The following SLC22A23 variants were observed in gnomAD, a reference collection of about 807,000 sequenced individuals.
SLC22A23 encodes the protein solute carrier family 22 member 23.
SLC22A23 carries 26 observed loss-of-function variants against 61.0 expected under a neutral mutation model. That is an observed-to-expected ratio of 0.43 (90% CI 0.31 to 0.59). The LOEUF is 0.59. Among genes scored for constraint, SLC22A23 ranks in the 20% least tolerant of loss-of-function variants. The pLI is 0.11. For missense variants in SLC22A23, 796 were observed against 934.7 expected (o/e 0.85, Z 1.94); for synonymous variants, 430 against 413.9 (o/e 1.04, Z -0.47).
chr6:3,274,585 C>T (rs1307899822), intron 9 of SLC22A23, among the ~76,000 whole-genome samples: 4 of 152,212 alleles, frequency 2.6e-5, no homozygotes, highest in African/African-American at 9.7e-5. Context: ...ATAACTCCAG[C>T]TCTTGACTAG....
intron 3 of SLC22A23, among the ~76,000 whole-genome samples, chr6:3,361,874 G>A (rs997383474): frequency 2.6e-5 from 4 of 152,182 alleles, no homozygotes; most frequent in Admixed American, 1.3e-4. Context: ...GGGAGATGAA[G>A]ACATGGTCCC....
intron 1 of SLC22A23, among the ~76,000 whole-genome samples, chr6:3,453,251 A>T (rs79655382): frequency 0.014 from 2,127 of 152,182 alleles, 33 homozygotes; most frequent in African/African-American, 0.043. Flanking sequence ...ATAATTTTTT[A>T]AAAAAAATTA....
At chr6:3,325,667 A>G (rs1763237036) in intron 3 of SLC22A23, among the ~76,000 whole-genome samples, 1 of 152,244 alleles carries the variant, frequency 6.6e-6, no homozygotes, top group African/African-American at 2.4e-5. Context: ...TCTCAAAAAT[A>G]ATAAAGAAAA....
At chr6:3,307,473 C>A (rs1331617340) in intron 4 of SLC22A23, among the ~76,000 whole-genome samples, 2 of 152,276 alleles carry the variant, frequency 1.3e-5, no homozygotes, top group Admixed American at 6.5e-5. Flanking sequence ...GAACTCAATG[C>A]AGGCAGAACC....
intron 1 of SLC22A23, among the ~76,000 whole-genome samples, chr6:3,437,016 C>A (rs995618668): frequency 6.6e-6 from 1 of 152,148 alleles, no homozygotes; most frequent in Non-Finnish European, 1.5e-5. Flanking sequence ...TGCCTGGTAA[C>A]CTTCTGCTGT....
chr6:3,396,565 AC>A (rs1768017671), intron 3 of SLC22A23, among the ~76,000 whole-genome samples: 1 of 152,100 alleles, frequency 6.6e-6, no homozygotes, highest in Admixed American at 6.5e-5. Flanking sequence ...AAACAAAACA[AC>A]AACAACAAAC....
chr6:3,305,405 G>A (rs1368663305), intron 4 of SLC22A23, among the ~76,000 whole-genome samples: 4 of 152,160 alleles, frequency 2.6e-5, no homozygotes, highest in South Asian at 2.1e-4. Context: ...CAGGCATTGC[G>A]GAATGCCACA....
At chr6:3,434,591 A>G (rs1206961872) in intron 1 of SLC22A23, among the ~76,000 whole-genome samples, 1 of 151,370 alleles carries the variant, frequency 6.6e-6, no homozygotes, top group Non-Finnish European at 1.5e-5. Flanking sequence ...CCTGGGCAAC[A>G]GAGCAAGACT....
chr6:3,448,086 A>T (rs1019685705), intron 1 of SLC22A23, among the ~76,000 whole-genome samples: 2 of 151,038 alleles, frequency 1.3e-5, no homozygotes, highest in South Asian at 2.1e-4. Flanking sequence ...TATATTTAGT[A>T]GAGGCGGGGT....
rs942025661 is a variant in SLC22A23, at chr6:3,324,202, G to A, written c.914-200C>T. 1.2e-4 allele frequency: 74 copies of A among 608,416 alleles called. 1 individual carries two copies. The highest frequency in any genetic ancestry group is 2.1e-4 in the Admixed American group (7 of 33,810). The allele number at this position is 608,416 out of a possible 1,614,324, so 37.7% of individuals were successfully genotyped here. On this transcript the variant is annotated intron_variant, in intron 3 of 9. Coordinates refer to ENST00000406686, the MANE Select transcript of SLC22A23 (RefSeq NM_015482.2). The surrounding 1 kb of genome is among the most constrained non-coding windows in gnomAD (Gnocchi z 4.3). ...CTCCAACTGGGAAGGGAAGTGAGAC[G>A]GTTGTTCAAGGCCACAGGGCTAGTC...
At position 3,328,415 on chromosome 6, in the gene SLC22A23, G is replaced by A. The variant is rs577317692; in HGVS notation, c.914-4413C>T. ...GGAAAAGCACATTGCGCTTCCCAGGGTAGACACTTTATGTGACGGAGGAGG... is the reference window on the plus strand; with the variant it reads ...GGAAAAGCACATTGCGCTTCCCAGGATAGACACTTTATGTGACGGAGGAGG... On this transcript the variant is annotated intron_variant, in intron 3 of 9. Transcript: ENST00000406686. The surrounding 1 kb of genome is among the most constrained non-coding windows in gnomAD (Gnocchi z 5.0). Among the ~76,000 whole-genome samples, 15 of 152,228 alleles carry A rather than the reference G, an allele frequency of 9.9e-5. 1 individual carries two copies. The South Asian group carries it at 3.1e-3, about 32-fold the overall frequency.
chr6:3,325,994 T>C (rs948084637), intron 3 of SLC22A23, among the ~76,000 whole-genome samples: 2 of 152,246 alleles, frequency 1.3e-5, no homozygotes, highest in Admixed American at 1.3e-4. Context: ...AATGAAAATA[T>C]CTGCAACTAC....
chr6:3,379,457 G>A (rs1453573915), intron 3 of SLC22A23, among the ~76,000 whole-genome samples: 2 of 151,994 alleles, frequency 1.3e-5, no homozygotes, highest in African/African-American at 2.4e-5. Context: ...CAGAACTATC[G>A]AACACCATGC....
chr6:3,394,498 T>A (rs979416011), intron 3 of SLC22A23, among the ~76,000 whole-genome samples: 1 of 152,184 alleles, frequency 6.6e-6, no homozygotes, highest in Non-Finnish European at 1.5e-5. Flanking sequence ...GAGTGATTAG[T>A]TCTCCATTTA....
rs1450188865 is a variant in SLC22A23, at chr6:3,360,846, A to G, written c.914-36844T>C. ...GCTGGCGTGGTCATCCAGGGCGGGA[A>G]CGGGATTGGACGAAGCCTTCCCTCG... On this transcript the variant is annotated intron_variant, in intron 3 of 9. Coordinates refer to ENST00000406686, the MANE Select transcript of SLC22A23 (RefSeq NM_015482.2). The surrounding 1 kb of genome is among the most constrained non-coding windows in gnomAD (Gnocchi z 4.6). 6.6e-6 allele frequency among the ~76,000 whole-genome samples: 1 copy of G among 152,202 alleles called. No individual in the cohort carries two copies. The highest frequency in any genetic ancestry group is 1.5e-5 in the Non-Finnish European group (1 of 68,026).
At chr6:3,433,244 A>T (rs1770988179) in intron 1 of SLC22A23, among the ~76,000 whole-genome samples, 1 of 152,156 alleles carries the variant, frequency 6.6e-6, no homozygotes, top group African/African-American at 2.4e-5. Context: ...TGGGACACAA[A>T]CAGCAGCTGA....
At position 3,316,474 on chromosome 6, in the gene SLC22A23, C is replaced by G. The variant is rs370957567; in HGVS notation, c.1082+7360G>C. On this transcript the variant is annotated intron_variant, in intron 4 of 9. Coordinates refer to ENST00000406686, the MANE Select transcript of SLC22A23 (RefSeq NM_015482.2). ...ATAAGATGTCCAAGTGCAATGTTTT[C>G]TTTCTTTGCCCCACCGTTCCATGAG... Among the ~76,000 whole-genome samples, 82 of 152,344 alleles carry G rather than the reference C, an allele frequency of 5.4e-4. 1 individual carries two copies. In the South Asian group the frequency reaches 0.014, roughly 26 times the overall value.
intron 3 of SLC22A23, among the ~76,000 whole-genome samples, chr6:3,399,572 T>C (rs2127496996): frequency 6.6e-6 from 1 of 152,258 alleles, no homozygotes; most frequent in Non-Finnish European, 1.5e-5. Context: ...GTGTTACGGA[T>C]AATGAGCAAC....
chr6:3,340,595 G>C (rs7762227), intron 3 of SLC22A23, among the ~76,000 whole-genome samples: 37,838 of 152,120 alleles, frequency 0.25, 6,190 homozygotes, highest in African/African-American at 0.46. Context: ...GAGGAGCTTT[G>C]TAACCGATCC....
Sources: gnomAD v4.1 joint callset for allele counts (sites outside exome capture counted in the v4.1 genomes callset) on GRCh38, gnomAD v4.1.1 for gene constraint, Gnocchi (gnomAD v3.1) non-coding constraint, MANE v1.5 for transcripts, NCBI Gene and HGNC (gene_info 2026-07-23, HGNC 2026-07-21) for gene names.